The following PGPEP1L variants were observed in gnomAD, a reference collection of about 807,000 sequenced individuals.
PGPEP1L encodes the protein pyroglutamyl-peptidase I like.
Under a neutral mutation model 6.0 loss-of-function variants are expected in PGPEP1L, and 7 were observed. The ratio of observed to expected loss-of-function variants is 1.17; its 90% CI spans 0.66 to 2.19. PGPEP1L has a LOEUF of 2.19. Among genes scored for constraint, PGPEP1L ranks in the 30% most tolerant of loss-of-function variants. PGPEP1L has a pLI of 0.00. For synonymous variants in PGPEP1L, 103 were observed against 83.9 expected, an observed-to-expected ratio of 1.23 and a Z score of -1.24; for missense variants, 209 against 192.5, an observed-to-expected ratio of 1.09 and a Z score of -0.51.
intron 2 of PGPEP1L, among the ~76,000 whole-genome samples, chr15:98,974,624 C>T (rs192065370): frequency 2.6e-5 from 4 of 152,206 alleles, no homozygotes; most frequent in East Asian, 1.9e-4. Flanking sequence ...GGGCCGGGCG[C>T]GGTGGCTCAT....
At chr15:98,989,332 A>G (rs1555471819) in intron 2 of PGPEP1L, among the ~76,000 whole-genome samples, 1 of 152,260 alleles carries the variant, frequency 6.6e-6, no homozygotes, top group African/African-American at 2.4e-5. Context: ...AACTTCAAGA[A>G]GCATACACAA....
intron 2 of PGPEP1L, among the ~76,000 whole-genome samples, chr15:98,998,412 C>G (rs2017916968): frequency 6.6e-6 from 1 of 152,110 alleles, no homozygotes; most frequent in Non-Finnish European, 1.5e-5. Flanking sequence ...TGGAGCTGAC[C>G]CACTGCCAAG....
At chr15:98,970,834 T>C (rs769041005) in intron 3 of PGPEP1L, among the ~76,000 whole-genome samples, 1 of 152,234 alleles carries the variant, frequency 6.6e-6, no homozygotes, top group East Asian at 1.9e-4. Flanking sequence ...AGATTTTCTA[T>C]TAAGATCTAA....
chr15:98,980,584 C>A (rs968576075), intron 2 of PGPEP1L, among the ~76,000 whole-genome samples: 3 of 152,110 alleles, frequency 2.0e-5, no homozygotes, highest in Non-Finnish European at 4.4e-5. Flanking sequence ...CGAGTGTGGG[C>A]TGCGCAGAGT....
chr15:99,004,316 G>T (rs2018016784), intron 2 of PGPEP1L, among the ~76,000 whole-genome samples: 1 of 151,848 alleles, frequency 6.6e-6, no homozygotes, highest in Non-Finnish European at 1.5e-5. Context: ...GGCTGAGGTG[G>T]GAGGATTACT....
chr15:98,970,924 C>T, intron 3 of PGPEP1L, 112 bp downstream of exon 3: 1 of 1,483,062 alleles, frequency 6.7e-7, no homozygotes, highest in Non-Finnish European at 9.1e-7. Flanking sequence ...CTGGTGGGGC[C>T]TGGGGACGGG....
chr15:98,968,473 C>G lies in PGPEP1L; in HGVS notation c.*5G>C, dbSNP rs777583521. The G allele has an allele frequency of 8.7e-6, 14 of 1,611,662 alleles. No individual in the cohort carries two copies. Among genetic ancestry groups the G allele is most frequent in the East Asian group, 2.2e-5 (1 of 44,848 alleles). On this transcript the variant is annotated 3_prime_UTR_variant, in exon 5 of 5. Coordinates refer to ENST00000535714, the MANE Select transcript of PGPEP1L (RefSeq NM_001167902.2). ...TCAATTTTCTCTAGAGGAGCAATCC[C>G]CCGGTCAGTTCCCTTTGGCTGGAAG... is the stretch of plus-strand genomic sequence containing the variant.
At chr15:98,982,753 C>T (rs2017685816) in intron 2 of PGPEP1L, among the ~76,000 whole-genome samples, 1 of 121,424 alleles carries the variant, frequency 8.2e-6, no homozygotes, top group Non-Finnish European at 1.7e-5. Context: ...CTCTGTTGCC[C>T]AGGCTGGAGT....
At position 99,007,642 on chromosome 15, in the gene PGPEP1L, G is replaced by C. The variant is rs1444883524; in HGVS notation, c.-653C>G. The C allele has an allele frequency of 6.6e-6, 1 of 152,074 alleles. No homozygotes were observed. The highest frequency in any genetic ancestry group is 1.5e-5 in the Non-Finnish European group (1 of 68,086). 9.4% of individuals were successfully genotyped at this position (152,074 alleles called of 1,614,324 possible). ...CTCCCGGTGGGTCCGTGATGTGGCT[G>C]GCTTTAAGAACGAAGCTGCAGACCT... On this transcript the variant is annotated 5_prime_UTR_variant, in exon 1 of 5. Transcript: ENST00000535714.
intron 2 of PGPEP1L, chr15:99,001,184 C>T (rs1555472963): frequency 2.3e-6 from 1 of 438,860 alleles, no homozygotes; most frequent in Admixed American, 2.5e-5. Flanking sequence ...CTGTAACACT[C>T]ACCACGAGAG....
chr15:99,003,356 A>G (rs2082781659), intron 2 of PGPEP1L, among the ~76,000 whole-genome samples: 1 of 151,468 alleles, frequency 6.6e-6, no homozygotes, highest in Admixed American at 6.6e-5. Flanking sequence ...AATTAGAAAA[A>G]TCAACTCTGC....
At chr15:98,968,879 T>A (rs895058529) in intron 4 of PGPEP1L, among the ~76,000 whole-genome samples, 182 bp from the exon 5 acceptor site, 1 of 152,212 alleles carries the variant, frequency 6.6e-6, no homozygotes, top group Non-Finnish European at 1.5e-5. Context: ...GAGAGCTGGC[T>A]CTTGGCCTCA....
At chr15:98,997,720 A>G (rs546682345) in intron 2 of PGPEP1L, among the ~76,000 whole-genome samples, 28 of 152,308 alleles carry the variant, frequency 1.8e-4, no homozygotes, top group Non-Finnish European at 3.5e-4. Context: ...ACAACCCTGC[A>G]ACATCTGCTT....
At chr15:98,987,683 T>C (rs1015192690) in intron 2 of PGPEP1L, among the ~76,000 whole-genome samples, 4 of 152,154 alleles carry the variant, frequency 2.6e-5, no homozygotes, top group African/African-American at 4.8e-5. Context: ...TACTCTTTAA[T>C]AGTTACTCTT....
chr15:98,969,222 G>A (rs1365718235), intron 4 of PGPEP1L, among the ~76,000 whole-genome samples: 2 of 152,164 alleles, frequency 1.3e-5, no homozygotes. Context: ...GTTTCCACAG[G>A]CAGGTCTCAC....
chr15:98,991,121 G>A (rs572616181), intron 2 of PGPEP1L, among the ~76,000 whole-genome samples: 190 of 152,080 alleles, frequency 1.2e-3, no homozygotes, highest in Admixed American at 4.4e-3. Context: ...GAGTAGAATT[G>A]AAGGAGATAG....
intron 2 of PGPEP1L, among the ~76,000 whole-genome samples, chr15:98,982,849 T>C (rs767395424): frequency 1.6e-4 from 25 of 151,928 alleles, no homozygotes; most frequent in Admixed American, 1.2e-3. Flanking sequence ...TAGCTGGGAT[T>C]ATAGGCACCA....
At chr15:98,982,071 T>C (rs1483238834) in intron 2 of PGPEP1L, among the ~76,000 whole-genome samples, 1 of 152,244 alleles carries the variant, frequency 6.6e-6, no homozygotes, top group Non-Finnish European at 1.5e-5. Flanking sequence ...TATGACTCAC[T>C]TGTCTGTGAA....
chr15:98,968,692 A>G lies in PGPEP1L; in HGVS notation c.215T>C (p.Val72Ala). ...VIFSRDAGRY[V>A]CDYTYYLSLH... ...AGACAGGTAATAGGTATAATCACAGACGTATCTGCAACCACAGGAAATGCC... is the reference window on the plus strand; with the variant it reads ...AGACAGGTAATAGGTATAATCACAGGCGTATCTGCAACCACAGGAAATGCC... Residue 72 changes from valine to alanine, a missense_variant, in exon 5 of 5, where the codon GTC becomes GCC. By Grantham distance (64) the Val-to-Ala change is moderately conservative. Transcript: ENST00000535714. The G allele has an allele frequency of 6.4e-7, 1 of 1,562,290 alleles. No individual in the cohort carries two copies. Among genetic ancestry groups the G allele is most frequent in the Admixed American group, 1.9e-5 (1 of 52,012 alleles).
Sources: allele counts gnomAD v4.1 joint callset (sites outside exome capture counted in the v4.1 genomes callset), GRCh38; gene constraint gnomAD v4.1.1; transcripts MANE v1.5; gene names NCBI Gene and HGNC (gene_info 2026-07-23, HGNC 2026-07-21).